Variants in CLCA1 observed in about 807,000 individuals in gnomAD.
CLCA1 encodes the protein chloride channel accessory 1.
Under a neutral mutation model 85.6 loss-of-function variants are expected in CLCA1, and 59 were observed. That is an observed-to-expected ratio of 0.69 (90% CI 0.56 to 0.86). The LOEUF is 0.86. CLCA1 is among the 40% of genes least tolerant of loss of function. CLCA1 has a pLI of 0.00. For missense variants in CLCA1, 1,022 were observed against 1,101.4 expected, an observed-to-expected ratio of 0.93 and a Z score of 1.02; for synonymous variants, 396 against 398.3, an observed-to-expected ratio of 0.99 and a Z score of 0.07.
In CLCA1 at chr1:86,500,257, G is replaced by A; in HGVS notation, c.*212G>A. ...ATAAAATAAAATGCTAAACAACTGGGTATACATGCATAAAAACTATCCATT... is the reference window on the plus strand; with the variant it reads ...ATAAAATAAAATGCTAAACAACTGGATATACATGCATAAAAACTATCCATT... On this transcript the variant is annotated 3_prime_UTR_variant, in exon 14 of 14. Coordinates refer to ENST00000394711, the MANE Select transcript of CLCA1 (RefSeq NM_001285.4). 2.3e-6 allele frequency: 1 copy of A among 432,000 alleles called. No individual in the cohort carries two copies. The highest frequency in any genetic ancestry group is 4.1e-6 in the Non-Finnish European group (1 of 243,386). The allele number at this position is 432,000 out of a possible 1,614,324, so 26.8% of individuals were successfully genotyped here.
chr1:86,494,475 T>C, intron 11 of CLCA1, 27 bp downstream of exon 11: 1 of 1,609,302 alleles, frequency 6.2e-7, no homozygotes, highest in African/African-American at 1.3e-5. Context: ...TTGGAAGATA[T>C]TTATTTCTTT....
chr1:86,474,074 C>T (rs1323631313), intron 3 of CLCA1, among the ~76,000 whole-genome samples, 198 bp downstream of exon 3: 2 of 152,146 alleles, frequency 1.3e-5, no homozygotes, highest in Non-Finnish European at 2.9e-5. Context: ...ATTTAATTTA[C>T]TTTAGATACA....
Position 86,494,227 on chromosome 1 carries a change from C to A in CLCA1, c.1721C>A (p.Thr574Asn), listed in dbSNP as rs968823430. The A allele has an allele frequency of 1.4e-5, 22 of 1,614,100 alleles. No homozygotes were observed. Among genetic ancestry groups the A allele is most frequent in the Non-Finnish European group, 1.9e-5 (22 of 1,180,056 alleles). Residue 574 changes from threonine to asparagine, a missense_variant, in exon 11 of 14, where the codon ACC (threonine) becomes AAC (asparagine). Thr to Asn is a moderately conservative substitution (Grantham distance 65). Coordinates refer to ENST00000394711, the MANE Select transcript of CLCA1 (RefSeq NM_001285.4). ...WKYSLQASSQTLTLTVTSRAS... is the reference protein window; with the variant it reads ...WKYSLQASSQNLTLTVTSRAS... Reference sequence around the variant, plus strand: ...TACAGTCTGCAAGCAAGCTCACAAACCTTGACCCTGACTGTCACGTCCCGT... The same window carrying A: ...TACAGTCTGCAAGCAAGCTCACAAAACTTGACCCTGACTGTCACGTCCCGT...
intron 6 of CLCA1, among the ~76,000 whole-genome samples, chr1:86,485,893 C>T (rs1270116075): frequency 5.9e-5 from 9 of 151,922 alleles, no homozygotes; most frequent in Non-Finnish European, 1.2e-4. Context: ...AAAGAAATAC[C>T]CAAGACTGAG....
chr1:86,476,317 A>C, intron 3 of CLCA1, 131 bp from the exon 4 acceptor site: 1 of 582,976 alleles, frequency 1.7e-6, no homozygotes, highest in South Asian at 2.5e-5. Context: ...TTAGATCTAA[A>C]GAAATCAAGT....
intron 12 of CLCA1, among the ~76,000 whole-genome samples, chr1:86,498,209 A>AGG (rs71078665): frequency 5.3e-5 from 8 of 151,726 alleles, no homozygotes; most frequent in East Asian, 1.9e-4. Context: ...GAAGGAAGGA[A>AGG]AAAACAGATG....
intron 8 of CLCA1, among the ~76,000 whole-genome samples, chr1:86,489,628 G>C (rs948910770): frequency 6.6e-6 from 1 of 152,112 alleles, no homozygotes; most frequent in African/African-American, 2.4e-5. Flanking sequence ...AAGAGCAAAG[G>C]GCATGTTAAA....
intron 4 of CLCA1, among the ~76,000 whole-genome samples, chr1:86,481,340 T>A (rs945555268): frequency 2.3e-4 from 35 of 152,014 alleles, no homozygotes; most frequent in Non-Finnish European, 5.0e-4. Context: ...GGTTTCGCCA[T>A]GTTGCCCAGG....
At chr1:86,491,236 T>A in intron 8 of CLCA1, 29 bp from the exon 9 acceptor site, 1 of 1,542,882 alleles carries the variant, frequency 6.5e-7, no homozygotes, top group Non-Finnish European at 8.9e-7. Flanking sequence ...TTCTGGAAAA[T>A]AATTTCTGAA....
intron 7 of CLCA1, among the ~76,000 whole-genome samples, chr1:86,487,551 A>G (rs1648016156): frequency 1.3e-5 from 2 of 152,132 alleles, no homozygotes; most frequent in East Asian, 1.9e-4. Context: ...TACTGTGTTC[A>G]AGATCCCTGC....
rs1161133534 is a variant in CLCA1 at position 86,468,937 on chromosome 1, T to C, written c.-35T>C. 6.4e-7 allele frequency: 1 copy of C among 1,561,526 alleles called. No homozygotes were observed. Among genetic ancestry groups the C allele is most frequent in the Non-Finnish European group, 8.7e-7 (1 of 1,150,132 alleles). On this transcript the variant is annotated 5_prime_UTR_variant, in exon 1 of 14. Transcript: ENST00000394711. ...GAAAGACACCTTCGTAACCCGCATT[T>C]TCCAAAGAGAGAAATCACAGGGAGA...
At chr1:86,484,335 A>T (rs1179596814) in intron 5 of CLCA1, among the ~76,000 whole-genome samples, 1 of 152,252 alleles carries the variant, frequency 6.6e-6, no homozygotes, top group Non-Finnish European at 1.5e-5. Flanking sequence ...TTGGCTGAAC[A>T]TGAAGGTAGA....
intron 6 of CLCA1, 71 bp from the exon 7 acceptor site, chr1:86,486,455 C>T: frequency 7.0e-7 from 1 of 1,423,668 alleles, no homozygotes; most frequent in Non-Finnish European, 9.8e-7. Flanking sequence ...CTTCCAAATT[C>T]CCTATGGCCT....
intron 8 of CLCA1, 52 bp from the exon 9 acceptor site, chr1:86,491,213 G>T: frequency 7.6e-7 from 1 of 1,321,360 alleles, no homozygotes; most frequent in Non-Finnish European, 1.1e-6. Flanking sequence ...CTAAAATGTT[G>T]CAAATAGTTG....
rs570837989 is a variant in CLCA1 at position 86,498,656 on chromosome 1, C to T, written c.2198C>T (p.Ser733Leu). 3.0e-5 allele frequency: 48 copies of T among 1,614,004 alleles called. 1 individual carries two copies. The highest frequency in any genetic ancestry group is 1.2e-4 in the South Asian group (11 of 91,066). The change falls in exon 13 of 14, where the codon TCG (serine) becomes TTG (leucine). Residue 733 changes from serine to leucine, a missense_variant. Coordinates refer to ENST00000394711, the MANE Select transcript of CLCA1 (RefSeq NM_001285.4). ...HKQVCFSRTSSGGSFVASDVP... is the reference protein window; with the variant it reads ...HKQVCFSRTSLGGSFVASDVP... The stretch of plus-strand genomic sequence containing the variant: ...CAAGTGTGTTTCAGCAGAACATCCT[C>T]GGGAGGCTCATTTGTGGCTTCTGAT...
chr1:86,478,439 A>AAGAGAG (rs953160127), intron 4 of CLCA1, among the ~76,000 whole-genome samples: 68 of 151,818 alleles, frequency 4.5e-4, no homozygotes, highest in African/African-American at 1.6e-3. Context: ...CGAAAAAAAA[A>AAGAGAG]AGAGAGAGAG....
intron 1 of CLCA1, among the ~76,000 whole-genome samples, chr1:86,472,230 G>T (rs1415811287): frequency 6.6e-6 from 1 of 152,088 alleles, no homozygotes; most frequent in Admixed American, 6.6e-5. Context: ...TTACGGAGCT[G>T]CTGTATTTAT....
rs1450004827 is a variant in CLCA1, at chr1:86,493,304, G to A, written c.1465-80G>A. The A allele has an allele frequency of 7.2e-6, 8 of 1,104,928 alleles. No individual in the cohort carries two copies. In the African/African-American group the frequency reaches 1.2e-4, roughly 17 times the overall value. The allele number at this position is 1,104,928 out of a possible 1,614,324, so 68.4% of individuals were successfully genotyped here. Reference sequence around the variant, plus strand: ...ACTGAAGTCTTTTTAATGGCGCACTGGGGAGACAGGGGCAGAAGGGAAAAG... The same window carrying A: ...ACTGAAGTCTTTTTAATGGCGCACTAGGGAGACAGGGGCAGAAGGGAAAAG... On this transcript the variant is annotated intron_variant, in intron 9 of 13. Coordinates refer to ENST00000394711, the MANE Select transcript of CLCA1 (RefSeq NM_001285.4).
At chr1:86,488,848 ATT>A (rs1266844928) in intron 7 of CLCA1, 146 bp from the exon 8 acceptor site, 4 of 631,426 alleles carry the variant, frequency 6.3e-6, no homozygotes, top group South Asian at 4.0e-5. Flanking sequence ...AGATTGTATC[ATT>A]TCAAGACAGA....
Sources: gnomAD v4.1 joint callset for allele counts (sites outside exome capture counted in the v4.1 genomes callset) on GRCh38, gnomAD v4.1.1 for gene constraint, MANE v1.5 for transcripts, NCBI Gene and HGNC (gene_info 2026-07-23, HGNC 2026-07-21) for gene names.